The following SYN1 variants were observed in gnomAD, a reference collection of about 807,000 sequenced individuals.
SYN1 encodes the protein synapsin-1.
SYN1 carries 8 observed loss-of-function variants against 44.6 expected under a neutral mutation model. The ratio of observed to expected loss-of-function variants is 0.18; its 90% CI spans 0.11 to 0.32. The LOEUF is 0.32. Ranked by LOEUF, SYN1 falls within the 10% of genes least tolerant of loss-of-function variation. The pLI is 1.00. For missense variants in SYN1, 451 were observed against 639.4 expected, an observed-to-expected ratio of 0.71 and a Z score of 3.18; for synonymous variants, 275 against 280.1, an observed-to-expected ratio of 0.98 and a Z score of 0.18.
Position 47,585,586 on chromosome X carries a change from T to C in SYN1, c.775-8085A>G, listed in dbSNP as rs4898. 0.46 allele frequency: 550,155 copies of C among 1,194,351 alleles called. 85,727 individuals are homozygous for C. Among genetic ancestry groups the C allele is most frequent in the South Asian group, 0.52 (28,376 of 54,164 alleles). On this transcript the variant is annotated intron_variant, in intron 5 of 12. Transcript: ENST00000295987. ...TCTTGCACATCACTACCTGCAGTTTTGTGGCTCCCTGGAACAGCCTGAGCT... is the reference window on the plus strand; with the variant it reads ...TCTTGCACATCACTACCTGCAGTTTCGTGGCTCCCTGGAACAGCCTGAGCT...
At chrX:47,603,969 G>A (rs927551333) in intron 5 of SYN1, among the ~76,000 whole-genome samples, 40 of 102,733 alleles carry the variant, frequency 3.9e-4, no homozygotes, top group African/African-American at 1.4e-3. Context: ...GTGTAATAGC[G>A]TGATCTTGGC....
At chrX:47,603,827 T>A (rs1209913959) in intron 5 of SYN1, among the ~76,000 whole-genome samples, 1 of 109,598 alleles carries the variant, frequency 9.1e-6, no homozygotes, top group African/African-American at 3.3e-5. Context: ...ATGACATAGG[T>A]ACTCATAATT....
intron 5 of SYN1, among the ~76,000 whole-genome samples, chrX:47,594,584 C>T (rs1387996883): frequency 9.0e-6 from 1 of 110,681 alleles, no homozygotes; most frequent in Non-Finnish European, 1.9e-5. Context: ...TAGAAGGGGT[C>T]CTGCCCAATA....
At chrX:47,595,859 C>T (rs2057862311) in intron 5 of SYN1, among the ~76,000 whole-genome samples, 1 of 111,960 alleles carries the variant, frequency 8.9e-6, no homozygotes, top group Non-Finnish European at 1.9e-5. Flanking sequence ...CTTAAAATTG[C>T]TTAAAAGCAA....
intron 5 of SYN1, among the ~76,000 whole-genome samples, chrX:47,590,604 G>T (rs2057844678): frequency 8.9e-6 from 1 of 111,820 alleles, no homozygotes; most frequent in African/African-American, 3.3e-5. Flanking sequence ...TTGAGGGATA[G>T]AAGTCTGCAC....
Position 47,574,597 on chromosome X carries a change from G to C in SYN1, c.1394-7C>G. The C allele has an allele frequency of 9.1e-7, 1 of 1,102,955 alleles. No homozygotes were observed. Among genetic ancestry groups the C allele is most frequent in the African/African-American group, 1.8e-5 (1 of 55,049 alleles). 90.9% of individuals were successfully genotyped at this position (1,102,955 alleles called of 1,213,427 possible). A position where few individuals can be genotyped will look rare whatever the true frequency, so the allele number is the denominator to read the frequency against. ...CCCGGCTGTGGAGGGCCGCCTGGGG[G>C]ACAGAGGGAGAGAAAGAGCACACGT... On this transcript the variant is annotated splice_polypyrimidine_tract_variant and splice_region_variant and intron_variant, in intron 11 of 12. Coordinates refer to ENST00000295987, the MANE Select transcript of SYN1 (RefSeq NM_006950.3).
intron 5 of SYN1, chrX:47,585,783 C>A (rs767414351): frequency 8.6e-7 from 1 of 1,161,413 alleles, no homozygotes; most frequent in East Asian, 3.2e-5. Flanking sequence ...TGCTCCCCAA[C>A]CCTAAGGGCT....
chrX:47,572,898 A>T lies in SYN1; in HGVS notation c.2084T>A (p.Leu695Gln), dbSNP rs1391589504. 1 of 1,209,901 alleles carries T rather than the reference A, an allele frequency of 8.3e-7. No individual in the cohort carries two copies. The highest frequency in any genetic ancestry group is 1.1e-6 in the Non-Finnish European group (1 of 895,187). Residue 695 changes from leucine (L) to glutamine (Q), a missense_variant, in exon 13 of 13, where the codon CTG (leucine) becomes CAG (glutamine). Coordinates refer to ENST00000295987, the MANE Select transcript of SYN1 (RefSeq NM_006950.3). Reference protein sequence around the residue: ...DEVKAETIRSLRKSFASLFSD With the variant: ...DEVKAETIRSQRKSFASLFSD ...GAAGAGGCTGGCGAAAGACTTCCTC[A>T]GGCTGCGGATGGTCTCAGCTTTCAC...
intron 3 of SYN1, among the ~76,000 whole-genome samples, chrX:47,605,687 C>A (rs1272008139): frequency 9.0e-6 from 1 of 110,648 alleles, no homozygotes; most frequent in Non-Finnish European, 1.9e-5. Flanking sequence ...CAGTGTTCTG[C>A]CCAGAATAAA....
At chrX:47,611,993 G>A (rs1354656387) in intron 1 of SYN1, among the ~76,000 whole-genome samples, 2 of 111,661 alleles carry the variant, frequency 1.8e-5, no homozygotes, top group Non-Finnish European at 3.8e-5. Context: ...CATATTCCAG[G>A]CGACATGTAA....
intron 5 of SYN1, chrX:47,585,189 C>A: frequency 8.5e-7 from 1 of 1,174,229 alleles, no homozygotes; most frequent in East Asian, 3.0e-5. Flanking sequence ...AGACACTTCC[C>A]CTCATCCATC....
At position 47,572,739 on chromosome X, in the gene SYN1, A is replaced by C; in HGVS notation, c.*125T>G. The C allele has an allele frequency of 9.8e-7, 1 of 1,016,543 alleles. No individual in the cohort carries two copies. Among genetic ancestry groups the C allele is most frequent in the South Asian group, 2.0e-5 (1 of 49,472 alleles). 83.8% of individuals were successfully genotyped at this position (1,016,543 alleles called of 1,213,427 possible). On this transcript the variant is annotated 3_prime_UTR_variant, in exon 13 of 13. Coordinates refer to ENST00000295987, the MANE Select transcript of SYN1 (RefSeq NM_006950.3). ...AGGTACTCGGGGATCTTGAGGAATG[A>C]GAGGTGGAATCTTGGAGAACCGGGA...
At chrX:47,603,672 C>T (rs2057886459) in intron 5 of SYN1, among the ~76,000 whole-genome samples, 1 of 110,298 alleles carries the variant, frequency 9.1e-6, no homozygotes. Context: ...CACTGCATGC[C>T]ATGTTTATGT....
chrX:47,619,626 G>A lies in SYN1; in HGVS notation c.103C>T (p.Pro35Ser), dbSNP rs1273619845. ...GTGGCTCCGGGGCTGTGGGCACCGG[G>A]CGGCGGTGGGGGCGGCTGCGGACGC... ...LQRPQPPPPP[P>S]GAHSPGATPG... Residue 35 changes from proline to serine, a missense_variant, in exon 1 of 13, where the codon CCC becomes TCC. By Grantham distance (74) the Pro-to-Ser change is moderately conservative. This residue lies in a region of SYN1 where 315 missense variants were observed against 451.4 expected (regional missense o/e 0.70). Coordinates refer to ENST00000295987, the MANE Select transcript of SYN1 (RefSeq NM_006950.3). 1 of 1,160,608 alleles carries A rather than the reference G, an allele frequency of 8.6e-7. No homozygotes were observed. Among genetic ancestry groups the A allele is most frequent in the Non-Finnish European group, 1.2e-6 (1 of 869,214 alleles).
In SYN1 at chrX:47,586,154, G is replaced by C. The variant is rs929340940; in HGVS notation, c.775-8653C>G. ...TGGCTCCTGATGGCCTCTGAGCCCA[G>C]TGACTATCTTGAAGCCCCACTGGCT... On this transcript the variant is annotated intron_variant, in intron 5 of 12. Transcript: ENST00000295987. 17 of 942,900 alleles carry C rather than the reference G, an allele frequency of 1.8e-5. No individual in the cohort carries two copies. In the Admixed American group the frequency reaches 5.4e-4, roughly 30 times the overall value. The allele number at this position is 942,900 out of a possible 1,213,427, so 77.7% of individuals were successfully genotyped here. A position where few individuals can be genotyped will look rare whatever the true frequency, so the allele number is the denominator to read the frequency against.
chrX:47,592,790 A>G (rs1217621042), intron 5 of SYN1, among the ~76,000 whole-genome samples: 2 of 111,572 alleles, frequency 1.8e-5, no homozygotes, highest in African/African-American at 6.5e-5. Context: ...TTTCTCTTCT[A>G]TTATACCTTC....
In SYN1 at chrX:47,573,001, T is replaced by TAG. The variant is rs945976041; in HGVS notation, c.1983-4_1983-3dup. Reference sequence around the variant, plus strand: ...GCATTGGTCAGAGACTGGGATTTGCTAGAGAGAGACAAGGTGGAGGCGTGG... The same window carrying TAG: ...GCATTGGTCAGAGACTGGGATTTGCTAGAGAGAGAGACAAGGTGGAGGCGTGG... On this transcript the variant is annotated splice_polypyrimidine_tract_variant and splice_region_variant and intron_variant, in intron 12 of 12. Coordinates refer to ENST00000295987, the MANE Select transcript of SYN1 (RefSeq NM_006950.3). 3 of 1,207,279 alleles carry TAG rather than the reference T, an allele frequency of 2.5e-6. No individual in the cohort carries two copies. The highest frequency in any genetic ancestry group is 3.5e-5 in the African/African-American group (2 of 56,355).
intron 5 of SYN1, among the ~76,000 whole-genome samples, chrX:47,603,949 C>T (rs1187122445): frequency 9.9e-6 from 1 of 100,774 alleles, no homozygotes; most frequent in Non-Finnish European, 2.0e-5. Context: ...CTCTTGTTGC[C>T]CAAGCTGGAG....
chrX:47,605,644 C>G (rs760682481), intron 3 of SYN1, among the ~76,000 whole-genome samples: 1 of 111,344 alleles, frequency 9.0e-6, no homozygotes, highest in Non-Finnish European at 1.9e-5. Flanking sequence ...TGACAACTCC[C>G]TGGTCACCAT....
Sources: allele counts gnomAD v4.1 joint callset (sites outside exome capture counted in the v4.1 genomes callset), GRCh38; gene constraint gnomAD v4.1.1; regional missense constraint gnomAD v4.1.1; transcripts MANE v1.5; gene names NCBI Gene and HGNC (gene_info 2026-07-23, HGNC 2026-07-21).